Variants in DDAH1 observed in about 807,000 individuals in gnomAD.
The protein encoded by DDAH1 is dimethylarginine dimethylaminohydrolase 1, also known as N(G),N(G)-dimethylarginine dimethylaminohydrolase 1.
DDAH1 carries 19 observed loss-of-function variants against 28.8 expected under a neutral mutation model. That is an observed-to-expected ratio of 0.66 (90% CI 0.46 to 0.97). The LOEUF (loss-of-function observed/expected upper bound fraction) is 0.97, where lower values mean the gene tolerates loss of function less well. Ranked by LOEUF, DDAH1 falls within the 50% of genes least tolerant of loss-of-function variation. The probability of loss-of-function intolerance (pLI) is 0.00; values close to 1 mark genes in which losing one functional copy is unlikely to be tolerated. For missense variants in DDAH1, 326 were observed against 375.9 expected (o/e 0.87, Z 1.10); for synonymous variants, 153 against 154.4 (o/e 0.99, Z 0.07).
intron 1 of DDAH1, among the ~76,000 whole-genome samples, chr1:85,426,181 T>C (rs1178626157): frequency 2.0e-5 from 3 of 152,206 alleles, no homozygotes; most frequent in Non-Finnish European, 4.4e-5. Context: ...TTTTCCTTTA[T>C]GTTTTCCCAT....
rs191273933 is a variant in DDAH1, at chr1:85,377,237, A to G, written c.304-18390T>C. Among the ~76,000 whole-genome samples, 88 of 152,302 alleles carry G rather than the reference A, an allele frequency of 5.8e-4. No homozygotes were observed. In the East Asian group the frequency reaches 0.016, roughly 28 times the overall value. On this transcript the variant is annotated intron_variant, in intron 1 of 5. Transcript: ENST00000284031. ...TAACAAGATTCCTGATAAACTAAAA[A>G]TGGTTTTGATATGAAAAGCCAATGT...
chr1:85,477,651 T>C (rs1347329701), intron 2 of DDAH1, among the ~76,000 whole-genome samples: 1 of 151,928 alleles, frequency 6.6e-6, no homozygotes, highest in African/African-American at 2.4e-5. Context: ...TATATGTATA[T>C]GCATATACTA....
intron 1 of DDAH1, among the ~76,000 whole-genome samples, chr1:85,462,083 G>A (rs974766180): frequency 2.0e-5 from 3 of 152,156 alleles, no homozygotes; most frequent in Admixed American, 1.3e-4. Flanking sequence ...AATCTGGTAT[G>A]GTGTATGGCA....
chr1:85,381,099 G>C (rs979863955), intron 1 of DDAH1, among the ~76,000 whole-genome samples: 1 of 151,742 alleles, frequency 6.6e-6, no homozygotes, highest in Non-Finnish European at 1.5e-5. Flanking sequence ...TTAGCCGGGC[G>C]TGGTGGTGGG....
intron 1 of DDAH1, among the ~76,000 whole-genome samples, chr1:85,381,054 TG>T (rs1282217649): frequency 1.3e-5 from 2 of 151,576 alleles, no homozygotes; most frequent in Non-Finnish European, 2.9e-5. Flanking sequence ...CTGGCCAATA[TG>T]GTGAAACCTC....
chr1:85,493,212 T>C (rs964960639), intron 2 of DDAH1, among the ~76,000 whole-genome samples: 13 of 152,140 alleles, frequency 8.5e-5, no homozygotes, highest in African/African-American at 3.1e-4. Flanking sequence ...TCTAAAAGTA[T>C]TGTGGGCCCC....
intron 1 of DDAH1, among the ~76,000 whole-genome samples, chr1:85,451,941 C>A (rs1476538174): frequency 1.3e-5 from 2 of 152,178 alleles, no homozygotes; most frequent in East Asian, 3.8e-4. Context: ...ATTTGGTTTA[C>A]AAATGAGTGT....
At chr1:85,404,669 T>G in intron 1 of DDAH1, 2 of 436,744 alleles carry the variant, frequency 4.6e-6, no homozygotes. Flanking sequence ...TTCCACGTAA[T>G]AGCTTTTCCG....
chr1:85,372,031 T>C (rs556962821), intron 1 of DDAH1, among the ~76,000 whole-genome samples: 1 of 152,238 alleles, frequency 6.6e-6, no homozygotes, highest in East Asian at 1.9e-4. Flanking sequence ...TTCCTAGTCC[T>C]TAGCTTTTTT....
chr1:85,401,717 G>C (rs1389489202), intron 1 of DDAH1, among the ~76,000 whole-genome samples: 1 of 151,660 alleles, frequency 6.6e-6, no homozygotes, highest in Admixed American at 6.6e-5. Flanking sequence ...TGTCCAGGCT[G>C]GTCTCAAACT....
At chr1:85,442,283 G>T (rs1162109746) in intron 1 of DDAH1, among the ~76,000 whole-genome samples, 1 of 152,064 alleles carries the variant, frequency 6.6e-6, no homozygotes, top group Admixed American at 6.6e-5. Context: ...GCAGTGTTTG[G>T]TTTTCTGTCC....
intron 1 of DDAH1, among the ~76,000 whole-genome samples, chr1:85,511,119 A>T (rs1657213515): frequency 6.6e-6 from 1 of 152,222 alleles, no homozygotes; most frequent in Admixed American, 6.5e-5. Flanking sequence ...TCCTCAGCAA[A>T]TATGAAAGAC....
At chr1:85,467,742 T>C (rs923550617), upstream of DDAH1, 6 of 152,206 alleles carry the variant, frequency 3.9e-5, no homozygotes, top group African/African-American at 1.4e-4. Context: ...GCTTAATACA[T>C]TGATATGTTC....
chr1:85,341,565 C>T (rs1194276928), intron 4 of DDAH1, among the ~76,000 whole-genome samples: 1 of 152,192 alleles, frequency 6.6e-6, no homozygotes, highest in Non-Finnish European at 1.5e-5. Flanking sequence ...CCTGTAATCC[C>T]AGCACTTTGG....
At chr1:85,403,254 C>CAT (rs386367545) in intron 1 of DDAH1, among the ~76,000 whole-genome samples, 49 of 150,040 alleles carry the variant, frequency 3.3e-4, no homozygotes, top group Middle Eastern at 3.5e-3. Flanking sequence ...TACACACACA[C>CAT]ATGCATGTAC....
chr1:85,459,049 A>G (rs184394631), intron 1 of DDAH1, among the ~76,000 whole-genome samples: 13 of 152,370 alleles, frequency 8.5e-5, no homozygotes, highest in African/African-American at 2.4e-4. Context: ...ATTGAGAATC[A>G]TAAGATGCCA....
chr1:85,321,449 A>G lies in DDAH1; in HGVS notation c.*3T>C. The G allele has an allele frequency of 6.2e-7, 1 of 1,606,286 alleles. No homozygotes were observed. Among genetic ancestry groups the G allele is most frequent in the Non-Finnish European group, 8.5e-7 (1 of 1,172,876 alleles). On this transcript the variant is annotated 3_prime_UTR_variant, in exon 6 of 6. Coordinates refer to ENST00000284031, the MANE Select transcript of DDAH1 (RefSeq NM_012137.4). ...TGCCGGCTACCGGGGGGGACTCTGC[A>G]GCTCAGGAGTCTACTTTCTTGTTAA...
intron 1 of DDAH1, among the ~76,000 whole-genome samples, chr1:85,425,371 T>C (rs1653349270): frequency 1.3e-5 from 2 of 152,118 alleles, no homozygotes; most frequent in South Asian, 4.1e-4. Context: ...CAACTCCCAC[T>C]CCCTGCTTCT....
intron 1 of DDAH1, among the ~76,000 whole-genome samples, chr1:85,575,199 C>G (rs1307623072): frequency 2.0e-5 from 3 of 152,154 alleles, no homozygotes; most frequent in Non-Finnish European, 4.4e-5. Context: ...CCACTGCACT[C>G]TAGCCTGGGT....
Sources: gnomAD v4.1 joint callset for allele counts (sites outside exome capture counted in the v4.1 genomes callset) on GRCh38, gnomAD v4.1.1 for gene constraint, MANE v1.5 for transcripts, NCBI Gene and HGNC (gene_info 2026-07-23, HGNC 2026-07-21) for gene names.